The following SCGB1A1 variants were observed in gnomAD, a reference collection of about 807,000 sequenced individuals.
The protein encoded by SCGB1A1 is secretoglobin family 1A member 1, also known as uteroglobin.
Under a neutral mutation model 7.5 loss-of-function variants are expected in SCGB1A1, and 8 were observed. The observed-to-expected ratio is 1.07, with a 90% confidence interval of 0.63 to 1.92. The LOEUF (loss-of-function observed/expected upper bound fraction) is 1.92, where lower values mean the gene tolerates loss of function less well. SCGB1A1 is among the 30% of genes most tolerant of loss of function. The pLI, the probability that SCGB1A1 is intolerant of heterozygous loss-of-function variation, is 0.00. For missense variants in SCGB1A1, 121 were observed against 112.7 expected (o/e 1.07, Z -0.33); for synonymous variants, 44 against 40.8 (o/e 1.08, Z -0.30).
intron 2 of SCGB1A1, 75 bp from the exon 3 acceptor site, chr11:62,422,979 TGGCTC>T: frequency 7.5e-7 from 1 of 1,340,632 alleles, no homozygotes; most frequent in East Asian, 2.3e-5. Context: ...GAAGTTTCTG[TGGCTC>T]GTCATCTCTG....
chr11:62,420,251 T>G (rs550270570), intron 1 of SCGB1A1, among the ~76,000 whole-genome samples: 1 of 152,186 alleles, frequency 6.6e-6, no homozygotes, highest in Non-Finnish European at 1.5e-5. Flanking sequence ...ATACAATATT[T>G]AACACTTACT....
At chr11:62,420,154 G>A (rs1035239222) in intron 1 of SCGB1A1, among the ~76,000 whole-genome samples, 6 of 152,064 alleles carry the variant, frequency 3.9e-5, no homozygotes, top group East Asian at 1.9e-4. Context: ...TGCTGTCTGC[G>A]TACAGAGGTG....
At chr11:62,420,770 A>G (rs970098012) in intron 1 of SCGB1A1, among the ~76,000 whole-genome samples, 2 of 150,980 alleles carry the variant, frequency 1.3e-5, no homozygotes, top group Non-Finnish European at 3.0e-5. Flanking sequence ...CCTTGTCTCT[A>G]TTAAAAATAC....
At position 62,421,333 on chromosome 11, in the gene SCGB1A1, G is replaced by A. The variant is rs1937783857; in HGVS notation, c.56-888G>A. On this transcript the variant is annotated intron_variant, in intron 1 of 2. Transcript: ENST00000278282. ...GAAGCTCTGTGTTGAAGGGAATGAAGTGGTACAAGTGGCTGCTCTGTCCAT... is the reference window on the plus strand; with the variant it reads ...GAAGCTCTGTGTTGAAGGGAATGAAATGGTACAAGTGGCTGCTCTGTCCAT... Among the ~76,000 whole-genome samples, 3 of 152,334 alleles carry A rather than the reference G, an allele frequency of 2.0e-5. 1 individual carries two copies. In the East Asian group the frequency reaches 5.8e-4, roughly 29 times the overall value.
chr11:62,422,653 C>G (rs1271544922), intron 2 of SCGB1A1, among the ~76,000 whole-genome samples: 16 of 147,394 alleles, frequency 1.1e-4, no homozygotes, highest in African/African-American at 4.1e-4. Context: ...TGGCTTACTG[C>G]AACCTCCACC....
At position 62,422,426 on chromosome 11, in the gene SCGB1A1, C is replaced by T. The variant is rs41478545; in HGVS notation, c.243+18C>T. 4.2e-4 allele frequency: 672 copies of T among 1,592,276 alleles called. 5 individuals carry two copies. The East Asian group carries it at 0.012, about 29-fold the overall frequency. ...AGCTCATGGTAACCAGCACCTTTCA[C>T]GTCACACTGGTTAGAAGTGGCTTCC... is the stretch of plus-strand genomic sequence containing the variant. On this transcript the variant is annotated intron_variant, in intron 2 of 2. Coordinates refer to ENST00000278282, the MANE Select transcript of SCGB1A1 (RefSeq NM_003357.5).
At position 62,422,283 on chromosome 11, in the gene SCGB1A1, T is replaced by G; in HGVS notation, c.118T>G (p.Ser40Ala). ...VIETLLMDTP[S>A]SYEAAMELFS... is the part of the protein sequence containing the mutation. ...CGAAACCCTCCTCATGGACACACCC[T>G]CCAGTTATGAGGCTGCCATGGAACT... The change falls in exon 2 of 3, where the codon TCC becomes GCC. Residue 40 changes from serine to alanine, a missense_variant. Ser to Ala is a moderately conservative substitution (Grantham distance 99). Coordinates refer to ENST00000278282, the MANE Select transcript of SCGB1A1 (RefSeq NM_003357.5). 1.9e-6 allele frequency: 3 copies of G among 1,613,964 alleles called. No homozygotes were observed. The highest frequency in any genetic ancestry group is 2.5e-6 in the Non-Finnish European group (3 of 1,179,962).
rs535582329 is a variant in SCGB1A1, at chr11:62,420,314, CT to C, written c.55+1182del. Among the ~76,000 whole-genome samples the C allele has an allele frequency of 5.6e-3, 729 of 129,430 alleles. 3 individuals carry two copies. The highest frequency in any genetic ancestry group is 0.032 in the Middle Eastern group (8 of 248). 84.9% of individuals were successfully genotyped at this position (129,430 alleles called of 152,430 possible). On this transcript the variant is annotated intron_variant, in intron 1 of 2. Transcript: ENST00000278282. Reference sequence around the variant, plus strand: ...CTTTCACATAATATCTCTTTTCATTCTTTTTTTTTTTTTTTTTTGAGACAGA... The same window carrying C: ...CTTTCACATAATATCTCTTTTCATTCTTTTTTTTTTTTTTTTTGAGACAGA...
At chr11:62,423,028 G>T (rs747925716) in intron 2 of SCGB1A1, 31 bp from the exon 3 acceptor site, 1 of 1,608,592 alleles carries the variant, frequency 6.2e-7, no homozygotes, top group Non-Finnish European at 8.5e-7. Flanking sequence ...GTTGTATTGG[G>T]TTTTTCTGTT....
At position 62,422,397 on chromosome 11, in the gene SCGB1A1, A is replaced by G; in HGVS notation, c.232A>G (p.Ile78Val). ...TLPQKPRESI[I>V]KLMEKIAQSS... ...CCCCCAAAAGCCCAGAGAAAGCATC[A>G]TTAAGCTCATGGTAACCAGCACCTT... Residue 78 changes from isoleucine to valine, a missense_variant, in exon 2 of 3, where the codon ATT becomes GTT. Coordinates refer to ENST00000278282, the MANE Select transcript of SCGB1A1 (RefSeq NM_003357.5). 6.2e-7 allele frequency: 1 copy of G among 1,613,092 alleles called. No individual in the cohort carries two copies. Among genetic ancestry groups the G allele is most frequent in the Non-Finnish European group, 8.5e-7 (1 of 1,179,372 alleles).
chr11:62,422,343 G>A lies in SCGB1A1; in HGVS notation c.178G>A (p.Ala60Thr). 1 of 1,614,060 alleles carries A rather than the reference G, an allele frequency of 6.2e-7. No individual in the cohort carries two copies. Residue 60 changes from alanine to threonine, a missense_variant, in exon 2 of 3, where the codon GCT becomes ACT. Transcript: ENST00000278282. Reference protein sequence around the residue: ...SPDQDMREAGAQLKKLVDTLP... With the variant: ...SPDQDMREAGTQLKKLVDTLP... ...TGATCAAGACATGAGGGAGGCAGGG[G>A]CTCAGCTGAAGAAGCTGGTGGACAC...
intron 1 of SCGB1A1, among the ~76,000 whole-genome samples, chr11:62,421,332 A>C (rs1937783733): frequency 6.6e-6 from 1 of 152,182 alleles, no homozygotes; most frequent in South Asian, 2.1e-4. Context: ...AAGGGAATGA[A>C]GTGGTACAAG....
Position 62,419,108 on chromosome 11 carries a change from G to A in SCGB1A1, c.13G>A (p.Val5Ile), listed in dbSNP as rs915393828. The A allele has an allele frequency of 6.3e-6, 10 of 1,583,222 alleles. No individual in the cohort carries two copies. Among genetic ancestry groups the A allele is most frequent in the Non-Finnish European group, 8.6e-6 (10 of 1,162,238 alleles). ...CCCCTCCTCCACCATGAAACTCGCT[G>A]TCACCCTCACCCTGGTCACACTGGC... is the stretch of plus-strand genomic sequence containing the variant. MKLA[V>I]TLTLVTLALC... is the part of the protein sequence containing the mutation. Residue 5 changes from valine to isoleucine, a missense_variant, in exon 1 of 3, where the codon GTC becomes ATC. By Grantham distance (29) the Val-to-Ile change is conservative (BLOSUM62 3). Transcript: ENST00000278282.
intron 1 of SCGB1A1, among the ~76,000 whole-genome samples, chr11:62,421,576 A>T (rs991961732): frequency 2.0e-5 from 3 of 151,748 alleles, no homozygotes; most frequent in Admixed American, 2.0e-4. Flanking sequence ...CAGTGACGAG[A>T]TCTCAGCTCA....
At chr11:62,420,049 C>T (rs1937742008) in intron 1 of SCGB1A1, among the ~76,000 whole-genome samples, 2 of 152,180 alleles carry the variant, frequency 1.3e-5, no homozygotes, top group South Asian at 4.1e-4. Flanking sequence ...AACCAAGAAG[C>T]AGTAGGAACA....
chr11:62,422,526 T>G, intron 2 of SCGB1A1, 118 bp downstream of exon 2: 1 of 713,154 alleles, frequency 1.4e-6, no homozygotes, highest in Non-Finnish European at 2.2e-6. Flanking sequence ...AGTGCCACTG[T>G]CCCCAGGCAG....
At chr11:62,420,705 T>C (rs1162173581) in intron 1 of SCGB1A1, among the ~76,000 whole-genome samples, 1 of 150,088 alleles carries the variant, frequency 6.7e-6, no homozygotes, top group African/African-American at 2.4e-5. Context: ...GAGGCCGAGG[T>C]GGGTAGATCA....
Position 62,422,226 on chromosome 11 carries a change from G to T in SCGB1A1, c.61G>T (p.Ala21Ser). 7 of 1,610,390 alleles carry T rather than the reference G, an allele frequency of 4.3e-6. No homozygotes were observed. Among genetic ancestry groups the T allele is most frequent in the Non-Finnish European group, 5.9e-6 (7 of 1,177,574 alleles). ...TLALCCSSAS[A>S]EICPSFQRVI... is the part of the protein sequence containing the mutation. Reference sequence around the variant, plus strand: ...TTCTCTCCTCTGTGTTGCAGCTTCTGCAGAGATCTGCCCGAGCTTTCAGCG... The same window carrying T: ...TTCTCTCCTCTGTGTTGCAGCTTCTTCAGAGATCTGCCCGAGCTTTCAGCG... Residue 21 changes from alanine (A) to serine (S), a missense_variant, in exon 2 of 3, where the codon GCA (alanine) becomes TCA (serine). By Grantham distance (99) the Ala-to-Ser change is moderately conservative. Transcript: ENST00000278282.
At chr11:62,422,926 C>G (rs1031884104) in intron 2 of SCGB1A1, 133 bp from the exon 3 acceptor site, 5 of 816,112 alleles carry the variant, frequency 6.1e-6, no homozygotes, top group Non-Finnish European at 8.4e-6. Flanking sequence ...GCCCTTACTA[C>G]CTTAGTTCCT....
Sources: gnomAD v4.1 joint callset for allele counts (sites outside exome capture counted in the v4.1 genomes callset) on GRCh38, gnomAD v4.1.1 for gene constraint, MANE v1.5 for transcripts, NCBI Gene and HGNC (gene_info 2026-07-23, HGNC 2026-07-21) for gene names.